TEAD4: variants seen among roughly 807,000 people sequenced by gnomAD.
TEAD4 encodes TEA domain transcription factor 4.
TEAD4 carries 36 observed loss-of-function variants against 52.4 expected under a neutral mutation model. That is an observed-to-expected ratio of 0.69 (90% CI 0.53 to 0.91). The LOEUF (loss-of-function observed/expected upper bound fraction) is 0.91, where lower values mean the gene tolerates loss of function less well. TEAD4 is among the 40% of genes least tolerant of loss of function. TEAD4 has a pLI of 0.00. For synonymous variants in TEAD4, 220 were observed against 231.0 expected (o/e 0.95, Z 0.43); for missense variants, 508 against 583.9 (o/e 0.87, Z 1.34).
chr12:3,037,006 G>A (rs6489424), intron 10 of TEAD4, among the ~76,000 whole-genome samples: 87,087 of 152,004 alleles, frequency 0.57, 29,979 homozygotes, highest in East Asian at 0.94. Context: ...CCGTGGTTTT[G>A]GGTGTGAGAT....
chr12:3,011,539 C>T (rs1290699063), intron 4 of TEAD4, among the ~76,000 whole-genome samples: 6 of 151,710 alleles, frequency 4.0e-5, no homozygotes, highest in Admixed American at 6.6e-5. Flanking sequence ...GCCGGGTGGT[C>T]CAGTTTTCTT....
intron 2 of TEAD4, among the ~76,000 whole-genome samples, chr12:2,983,597 T>C (rs1033288302): frequency 3.3e-5 from 5 of 152,186 alleles, no homozygotes; most frequent in African/African-American, 1.2e-4. Flanking sequence ...AAAGCCAGGC[T>C]CTTGCTTCCC....
chr12:2,985,123 G>T lies in TEAD4; in HGVS notation c.-29-9615G>T, dbSNP rs747092420. 1.1e-4 allele frequency among the ~76,000 whole-genome samples: 16 copies of T among 151,868 alleles called. No homozygotes were observed. The South Asian group carries it at 2.1e-3, about 20-fold the overall frequency. ...ACACTTTAAAACGCAAACACCTCACGCCTGTAATCCCAGCACTTTGGGAGG... is the reference window on the plus strand; with the variant it reads ...ACACTTTAAAACGCAAACACCTCACTCCTGTAATCCCAGCACTTTGGGAGG... On this transcript the variant is annotated intron_variant, in intron 2 of 12. Transcript: ENST00000359864.
intron 10 of TEAD4, among the ~76,000 whole-genome samples, chr12:3,035,903 C>A (rs982489444): frequency 1.3e-5 from 2 of 152,028 alleles, no homozygotes; most frequent in African/African-American, 4.8e-5. Context: ...TTATATTTGC[C>A]TGTAAGACCT....
chr12:3,018,944 C>T (rs575837503), intron 7 of TEAD4, among the ~76,000 whole-genome samples, 171 bp from the exon 8 acceptor site: 23 of 152,144 alleles, frequency 1.5e-4, no homozygotes, highest in African/African-American at 4.8e-4. Context: ...TCTGTGGACC[C>T]GCCACGAAAC....
chr12:3,005,836 C>T (rs569336856), intron 3 of TEAD4, among the ~76,000 whole-genome samples: 7 of 152,096 alleles, frequency 4.6e-5, no homozygotes, highest in African/African-American at 1.7e-4. Context: ...GTGGGTTTCA[C>T]TATGTTGCCC....
At chr12:2,961,011 T>A (rs2098214821) in intron 2 of TEAD4, among the ~76,000 whole-genome samples, 1 of 151,414 alleles carries the variant, frequency 6.6e-6, no homozygotes, top group Non-Finnish European at 1.5e-5. Context: ...GTCTTGTGCT[T>A]GCCTGGAATA....
intron 2 of TEAD4, among the ~76,000 whole-genome samples, chr12:2,969,897 A>G (rs1028198865): frequency 6.6e-6 from 1 of 152,308 alleles, no homozygotes; most frequent in South Asian, 2.1e-4. Context: ...GTGCTGTCCA[A>G]TAGAAATACT....
At chr12:3,014,452 G>A (rs140967521) in intron 5 of TEAD4, among the ~76,000 whole-genome samples, 82 of 152,370 alleles carry the variant, frequency 5.4e-4, no homozygotes, top group Admixed American at 3.3e-3. Context: ...TCATGTATAT[G>A]TGAGTTGCCT....
intron 2 of TEAD4, among the ~76,000 whole-genome samples, chr12:2,962,972 A>G (rs2098217080): frequency 6.6e-6 from 1 of 152,224 alleles, no homozygotes; most frequent in African/African-American, 2.4e-5. Context: ...AAGCTGGAGC[A>G]GACTGACTTG....
intron 2 of TEAD4, among the ~76,000 whole-genome samples, chr12:2,962,253 C>T (rs1214915670): frequency 2.5e-5 from 3 of 118,656 alleles, no homozygotes; most frequent in South Asian, 2.6e-4. Flanking sequence ...GCCTCCCGGC[C>T]GGCTAGTTTC....
intron 4 of TEAD4, among the ~76,000 whole-genome samples, chr12:3,011,751 C>T (rs769745959): frequency 2.0e-5 from 3 of 152,152 alleles, no homozygotes; most frequent in Non-Finnish European, 2.9e-5. Flanking sequence ...CTGCAACCTC[C>T]GCTTCCCAGG....
intron 3 of TEAD4, among the ~76,000 whole-genome samples, chr12:3,010,491 G>A (rs2098259406): frequency 1.3e-5 from 2 of 152,206 alleles, no homozygotes; most frequent in South Asian, 4.1e-4. Flanking sequence ...GACACTAAGT[G>A]TCTCCAGCAG....
intron 6 of TEAD4, among the ~76,000 whole-genome samples, chr12:3,018,332 C>A (rs1199820984): frequency 2.6e-5 from 4 of 152,170 alleles, no homozygotes; most frequent in Admixed American, 2.6e-4. Flanking sequence ...GGTGCTTTTC[C>A]CATGGAGCCC....
intron 10 of TEAD4, among the ~76,000 whole-genome samples, chr12:3,025,065 C>T (rs2098271243): frequency 2.0e-5 from 3 of 152,094 alleles, no homozygotes; most frequent in Admixed American, 2.0e-4. Context: ...CTGCCTCAGC[C>T]TCCCGAGTAG....
At position 3,011,726 on chromosome 12, in the gene TEAD4, C is replaced by T. The variant is rs149338465; in HGVS notation, c.292-444C>T. On this transcript the variant is annotated intron_variant, in intron 4 of 12. Coordinates refer to ENST00000359864, the MANE Select transcript of TEAD4 (RefSeq NM_003213.4). The stretch of plus-strand genomic sequence containing the variant: ...TGTTGCCCAGGCTGGAGTGCAGTGG[C>T]GCAATCTCAACTCACTGCAACCTCC... 3.3e-3 allele frequency among the ~76,000 whole-genome samples: 497 copies of T among 152,260 alleles called. 8 individuals are homozygous for T. Among genetic ancestry groups the T allele is most frequent in the Admixed American group, 0.024 (367 of 15,286 alleles).
At chr12:2,985,672 A>G (rs2098237781) in intron 2 of TEAD4, among the ~76,000 whole-genome samples, 1 of 151,272 alleles carries the variant, frequency 6.6e-6, no homozygotes, top group Non-Finnish European at 1.5e-5. Context: ...TGCCTGGCTA[A>G]TTTTTGTATT....
Position 2,996,084 on chromosome 12 carries a change from T to TCTAA in TEAD4, c.226+1092_226+1093insCTAA, listed in dbSNP as rs749273359. Among the ~76,000 whole-genome samples, 1,170 of 151,950 alleles carry TCTAA rather than the reference T, an allele frequency of 7.7e-3. 6 individuals are homozygous for TCTAA. The highest frequency in any genetic ancestry group is 0.013 in the Non-Finnish European group (864 of 67,976). ...GCCCAGATAAGGCTTCTGTTCCTGTTGGAAAGTCCTCTAGGAATCCTAGCT... is the reference window on the plus strand; with the variant it reads ...GCCCAGATAAGGCTTCTGTTCCTGTTCTAAGGAAAGTCCTCTAGGAATCCTAGCT... On this transcript the variant is annotated intron_variant, in intron 3 of 12. Coordinates refer to ENST00000359864, the MANE Select transcript of TEAD4 (RefSeq NM_003213.4).
chr12:3,028,688 C>T (rs149544285), intron 10 of TEAD4, among the ~76,000 whole-genome samples: 2 of 151,838 alleles, frequency 1.3e-5, no homozygotes, highest in Admixed American at 6.6e-5. Context: ...TGGAGTACAG[C>T]GGCGTAATTT....
Sources: gnomAD v4.1 joint callset for allele counts (sites outside exome capture counted in the v4.1 genomes callset) on GRCh38, gnomAD v4.1.1 for gene constraint, MANE v1.5 for transcripts, NCBI Gene and HGNC (gene_info 2026-07-23, HGNC 2026-07-21) for gene names.